The following KIF5B variants were observed in gnomAD, a reference collection of about 807,000 sequenced individuals.
KIF5B encodes kinesin family member 5B, also known as kinesin-1 heavy chain.
A neutral mutation model predicts 132.8 loss-of-function variants in KIF5B; 49 were observed. The observed-to-expected ratio is 0.37, with a 90% CI of 0.29 to 0.47. KIF5B has a LOEUF of 0.47. KIF5B is among the 20% of genes least tolerant of loss of function. The pLI, the probability that KIF5B is intolerant of heterozygous loss-of-function variation, is 1.00. For missense variants in KIF5B, 780 were observed against 1,144.0 expected (o/e 0.68, Z 4.59); for synonymous variants, 355 against 369.4 (o/e 0.96, Z 0.45).
intron 25 of KIF5B, among the ~76,000 whole-genome samples, chr10:32,014,259 T>C (rs1841126571): frequency 6.6e-6 from 1 of 152,036 alleles, no homozygotes. Context: ...GGTGTGGTGG[T>C]GCACGCCTGT....
chr10:32,021,505 GT>G (rs58363319), intron 17 of KIF5B, among the ~76,000 whole-genome samples: 138 of 140,572 alleles, frequency 9.8e-4, no homozygotes, highest in South Asian at 6.3e-3. Context: ...GGTTTGTTTG[GT>G]TTTTTTTTTT....
At chr10:32,031,893 GGAGGCT>G (rs1427679895) in intron 13 of KIF5B, among the ~76,000 whole-genome samples, 1 of 149,538 alleles carries the variant, frequency 6.7e-6, no homozygotes, top group Non-Finnish European at 1.5e-5. Flanking sequence ...CAGCTACTCG[GGAGGCT>G]GAGGCAGAAG....
At chr10:32,020,274 T>G (rs560839473) in intron 19 of KIF5B, among the ~76,000 whole-genome samples, 1 of 152,258 alleles carries the variant, frequency 6.6e-6, no homozygotes, top group South Asian at 2.1e-4. Flanking sequence ...ATTCTCTTCT[T>G]GGTTCCTACT....
intron 2 of KIF5B, among the ~76,000 whole-genome samples, chr10:32,044,088 T>C (rs1318511602): frequency 2.6e-5 from 4 of 152,200 alleles, no homozygotes; most frequent in African/African-American, 9.6e-5. Context: ...GTGTATTTAT[T>C]GGTAACTCTG....
intron 2 of KIF5B, 24 bp from the exon 3 acceptor site, chr10:32,040,481 C>T (rs1841518538): frequency 2.1e-6 from 3 of 1,400,656 alleles, no homozygotes; most frequent in Non-Finnish European, 3.0e-6. Flanking sequence ...TTTTATAGTT[C>T]AGGGGATTTT....
rs1841147237 is a variant in KIF5B at position 32,015,549 on chromosome 10, C to T, written c.2872G>A (p.Gly958Arg). Residue 958 changes from glycine to arginine, a missense_variant, in exon 25 of 26, where the codon GGA (glycine) becomes AGA (arginine). Transcript: ENST00000302418. ...QNSQPVAVRG[G>R]GGKQV is the part of the protein sequence containing the mutation. ...AACGATTACACTTGTTTGCCTCCTC[C>T]ACCTCGCACTGCCACTGGCTGGCTG... 3.7e-6 allele frequency: 6 copies of T among 1,611,818 alleles called. No individual in the cohort carries two copies. In the African/African-American group the frequency reaches 6.7e-5, roughly 18 times the overall value.
At chr10:32,023,591 A>G (rs1426656077) in intron 15 of KIF5B, among the ~76,000 whole-genome samples, 1 of 88,942 alleles carries the variant, frequency 1.1e-5, no homozygotes, top group Non-Finnish European at 2.4e-5. Flanking sequence ...CACTAAGGAC[A>G]AACAAAGTCA....
Position 32,037,551 on chromosome 10 carries a change from T to C in KIF5B, c.555A>G (p.Glu185=). 1 of 1,613,372 alleles carries C rather than the reference T, an allele frequency of 6.2e-7. No homozygotes were observed. The highest frequency in any genetic ancestry group is 8.5e-7 in the Non-Finnish European group (1 of 1,179,264). ...CTGCTACATGTCTGTTGGATTTTCC[T>C]TCATCTATGGTATCCATAACTTCAT... ...SPDEVMDTID[E]GKSNRHVAVT... The change falls in exon 7 of 26, where the codon GAA becomes GAG. Residue 185 remains glutamate (E), a synonymous_variant. Transcript: ENST00000302418.
intron 2 of KIF5B, 56 bp from the exon 3 acceptor site, chr10:32,040,513 G>C: frequency 2.1e-6 from 2 of 971,152 alleles, no homozygotes; most frequent in Non-Finnish European, 1.7e-6. Flanking sequence ...AGATTCCTAA[G>C]AAATTACTTA....
In KIF5B at chr10:32,037,350, G is replaced by A; in HGVS notation, c.615C>T (p.His205=). The A allele has an allele frequency of 6.2e-7, 1 of 1,612,762 alleles. No individual in the cohort carries two copies. The highest frequency in any genetic ancestry group is 1.6e-4 in the Middle Eastern group (1 of 6,062). ...GTTTGACATTAATAAGAAATATACTGTGACTCCTAGAGCTATGTTCATTCA... is the reference window on the plus strand; with the variant it reads ...GTTTGACATTAATAAGAAATATACTATGACTCCTAGAGCTATGTTCATTCA... The part of the protein sequence containing the change: ...TNMNEHSSRS[H]SIFLINVKQE... The change falls in exon 8 of 26, where the codon CAC becomes CAT. Residue 205 remains histidine (H), a synonymous_variant. Coordinates refer to ENST00000302418, the MANE Select transcript of KIF5B (RefSeq NM_004521.3).
intron 13 of KIF5B, among the ~76,000 whole-genome samples, chr10:32,032,157 T>C (rs1305536066): frequency 6.6e-6 from 1 of 152,048 alleles, no homozygotes; most frequent in Non-Finnish European, 1.5e-5. Context: ...AGAATGCTAA[T>C]GGCATTTAGG....
intron 8 of KIF5B, among the ~76,000 whole-genome samples, chr10:32,036,683 T>C (rs1476196199): frequency 6.6e-6 from 1 of 152,226 alleles, no homozygotes; most frequent in Non-Finnish European, 1.5e-5. Flanking sequence ...TTGAAAGATG[T>C]GTGTAAGACT....
At chr10:32,045,688 A>C (rs1841598768) in intron 2 of KIF5B, among the ~76,000 whole-genome samples, 1 of 152,240 alleles carries the variant, frequency 6.6e-6, no homozygotes, top group Non-Finnish European at 1.5e-5. Context: ...AATTTTATTA[A>C]GTAAAGACTA....
intron 15 of KIF5B, among the ~76,000 whole-genome samples, chr10:32,024,585 G>A (rs1265111382): frequency 1.3e-5 from 2 of 151,442 alleles, no homozygotes; most frequent in African/African-American, 2.4e-5. Flanking sequence ...CCAATATGGC[G>A]AAACCCAGTT....
intron 1 of KIF5B, among the ~76,000 whole-genome samples, chr10:32,055,156 G>A (rs1302219074): frequency 6.6e-6 from 1 of 151,510 alleles, no homozygotes; most frequent in Non-Finnish European, 1.5e-5. Flanking sequence ...AGGTCTGCTA[G>A]ATTAAACAAA....
intron 15 of KIF5B, among the ~76,000 whole-genome samples, chr10:32,026,867 G>A (rs1639134): frequency 0.23 from 34,999 of 152,032 alleles, 4,704 homozygotes; most frequent in Non-Finnish European, 0.29. Flanking sequence ...GAATAGGGCC[G>A]AAATGTTCAG....
At chr10:32,032,436 G>A (rs750223813) in intron 13 of KIF5B, among the ~76,000 whole-genome samples, 15 of 152,178 alleles carry the variant, frequency 9.9e-5, no homozygotes, top group Non-Finnish European at 1.6e-4. Flanking sequence ...GCTCTGCTGG[G>A]TGAGAAGATA....
chr10:32,020,730 T>C (rs962763003), intron 19 of KIF5B, among the ~76,000 whole-genome samples: 1 of 152,000 alleles, frequency 6.6e-6, no homozygotes, highest in Non-Finnish European at 1.5e-5. Context: ...CAGCCAAGAA[T>C]TTTTTTAAAA....
chr10:32,053,755 A>G (rs927652108), intron 1 of KIF5B, among the ~76,000 whole-genome samples: 1 of 152,042 alleles, frequency 6.6e-6, no homozygotes, highest in Non-Finnish European at 1.5e-5. Context: ...TCTCAAAAAA[A>G]CAACCAACCA....
Sources: gnomAD v4.1 joint callset for allele counts (sites outside exome capture counted in the v4.1 genomes callset) on GRCh38, gnomAD v4.1.1 for gene constraint, MANE v1.5 for transcripts, NCBI Gene and HGNC (gene_info 2026-07-23, HGNC 2026-07-21) for gene names.